Variants in DCDC1 observed in about 807,000 individuals in gnomAD.
The protein encoded by DCDC1 is doublecortin domain containing 1.
DCDC1 carries 200 observed loss-of-function variants against 178.3 expected under a neutral mutation model. The ratio of observed to expected loss-of-function variants is 1.12; its 90% CI spans 1.00 to 1.26. DCDC1 has a LOEUF of 1.26. Ranked by LOEUF, DCDC1 falls within the 50% of genes most tolerant of loss-of-function variation. DCDC1 has a pLI of 0.00. For synonymous variants in DCDC1, 690 were observed against 604.8 expected (o/e 1.14, Z -2.07); for missense variants, 1,983 against 1,749.2 (o/e 1.13, Z -2.38).
At chr11:30,952,908 T>TA (rs1245810840) in intron 20 of DCDC1, among the ~76,000 whole-genome samples, 1 of 152,056 alleles carries the variant, frequency 6.6e-6, no homozygotes, top group African/African-American at 2.4e-5. Context: ...CTTTAGACAG[T>TA]AAAAGAGAAG....
intron 32 of DCDC1, among the ~76,000 whole-genome samples, chr11:30,902,547 A>AC (rs1294494501): frequency 6.6e-6 from 1 of 152,186 alleles, no homozygotes; most frequent in Non-Finnish European, 1.5e-5. Context: ...CATATCCATG[A>AC]AGTAATTGAC....
rs146604680 is a variant in DCDC1, at chr11:31,048,868, G to T, written c.2591+15601C>A. Among the ~76,000 whole-genome samples the T allele has an allele frequency of 7.8e-3, 1,183 of 152,122 alleles. 6 individuals are homozygous for T. The highest frequency in any genetic ancestry group is 0.024 in the Middle Eastern group (7 of 294). On this transcript the variant is annotated intron_variant, in intron 20 of 38. Coordinates refer to ENST00000684477, the MANE Select transcript of DCDC1 (RefSeq NM_001387274.1). ...CAAGACTCCGTCTCAAAAAAAAAAG[G>T]ACTGTCAATTAGTTGTATTAAAATA...
At chr11:30,895,988 A>T (rs1944178163) in intron 34 of DCDC1, among the ~76,000 whole-genome samples, 1 of 152,142 alleles carries the variant, frequency 6.6e-6, no homozygotes, top group Non-Finnish European at 1.5e-5. Flanking sequence ...AGAGCTAGGG[A>T]TTGAGTATAG....
chr11:31,323,516 T>C (rs1949482423), intron 3 of DCDC1, among the ~76,000 whole-genome samples: 1 of 152,238 alleles, frequency 6.6e-6, no homozygotes, highest in African/African-American at 2.4e-5. Context: ...ACCATTTTCA[T>C]CTAAATTATT....
intron 9 of DCDC1, among the ~76,000 whole-genome samples, chr11:31,142,539 A>G (rs1204099005): frequency 2.0e-5 from 3 of 152,072 alleles, no homozygotes; most frequent in East Asian, 1.9e-4. Flanking sequence ...ATTTATCTCT[A>G]TTACACATAT....
intron 15 of DCDC1, among the ~76,000 whole-genome samples, chr11:31,101,320 T>C (rs1958487967): frequency 6.6e-6 from 1 of 152,150 alleles, no homozygotes; most frequent in Non-Finnish European, 1.5e-5. Context: ...TAAGTATTCC[T>C]TCTTTGGAGA....
intron 10 of DCDC1, among the ~76,000 whole-genome samples, chr11:31,131,590 C>T (rs1012992476): frequency 9.2e-5 from 14 of 152,096 alleles, no homozygotes; most frequent in African/African-American, 3.1e-4. Context: ...AAGACCAATA[C>T]AGGACAGGTG....
intron 8 of DCDC1, among the ~76,000 whole-genome samples, chr11:31,252,875 T>C (rs527971623): frequency 1.3e-5 from 2 of 152,174 alleles, no homozygotes. Flanking sequence ...GGATGGACAC[T>C]TGTTGCAGAC....
At chr11:30,997,980 A>C (rs2134996356) in intron 20 of DCDC1, among the ~76,000 whole-genome samples, 1 of 152,208 alleles carries the variant, frequency 6.6e-6, no homozygotes, top group Admixed American at 6.5e-5. Context: ...AGTGTCACAA[A>C]GTAAGAGAGA....
chr11:31,027,059 A>G (rs1470651930), intron 20 of DCDC1, among the ~76,000 whole-genome samples: 7 of 151,794 alleles, frequency 4.6e-5, no homozygotes, highest in East Asian at 3.9e-4. Context: ...TTACTATTAC[A>G]TAAGTACTAA....
At chr11:31,336,336 G>A (rs1319846456) in intron 1 of DCDC1, among the ~76,000 whole-genome samples, 1 of 152,162 alleles carries the variant, frequency 6.6e-6, no homozygotes, top group Non-Finnish European at 1.5e-5. Flanking sequence ...CATCCAAAAG[G>A]TCCTAAGGTG....
chr11:30,952,617 C>A (rs1376114761), intron 20 of DCDC1, 49 bp from the exon 21 acceptor site: 3 of 771,780 alleles, frequency 3.9e-6, no homozygotes, highest in Admixed American at 4.9e-5. Flanking sequence ...GGTTAAATAT[C>A]ACTTTAAAAT....
chr11:31,132,025 T>G (rs1200932049), intron 10 of DCDC1, among the ~76,000 whole-genome samples: 2 of 152,196 alleles, frequency 1.3e-5, no homozygotes, highest in Non-Finnish European at 2.9e-5. Context: ...TCTTAAAAGT[T>G]TCATCCGGCA....
chr11:31,302,762 G>A (rs1340692873), intron 6 of DCDC1, among the ~76,000 whole-genome samples: 1 of 152,042 alleles, frequency 6.6e-6, no homozygotes, highest in East Asian at 1.9e-4. Flanking sequence ...ATGCTCAAAA[G>A]GCGTAGTAAA....
At chr11:31,107,862 T>C (rs1157324983) in intron 12 of DCDC1, among the ~76,000 whole-genome samples, 1 of 152,232 alleles carries the variant, frequency 6.6e-6, no homozygotes, top group Non-Finnish European at 1.5e-5. Context: ...TTGTCAGTTC[T>C]TGTGTCTCTC....
intron 1 of DCDC1, among the ~76,000 whole-genome samples, chr11:31,362,439 T>C (rs1370694253): frequency 6.6e-6 from 1 of 152,178 alleles, no homozygotes; most frequent in African/African-American, 2.4e-5. Context: ...TCAGACAAGG[T>C]AGTAATTTAT....
intron 8 of DCDC1, among the ~76,000 whole-genome samples, chr11:31,255,162 T>C (rs1222819040): frequency 1.3e-5 from 2 of 152,246 alleles, no homozygotes; most frequent in Non-Finnish European, 1.5e-5. Context: ...TGTATGTATA[T>C]ACTACCATTT....
intron 1 of DCDC1, among the ~76,000 whole-genome samples, chr11:31,338,778 T>C (rs1173491519): frequency 6.6e-6 from 1 of 152,182 alleles, no homozygotes; most frequent in Non-Finnish European, 1.5e-5. Context: ...GAATGCACCA[T>C]CTGTGACTTT....
At chr11:31,010,209 A>G (rs770881742) in intron 20 of DCDC1, among the ~76,000 whole-genome samples, 5 of 152,242 alleles carry the variant, frequency 3.3e-5, no homozygotes, top group Non-Finnish European at 7.3e-5. Flanking sequence ...CACAAGTGTG[A>G]AGTCCAGGCA....
Sources: allele counts gnomAD v4.1 joint callset (sites outside exome capture counted in the v4.1 genomes callset), GRCh38; gene constraint gnomAD v4.1.1; transcripts MANE v1.5; gene names NCBI Gene and HGNC (gene_info 2026-07-23, HGNC 2026-07-21).